DGKG: variants seen among roughly 807,000 people sequenced by gnomAD.
DGKG encodes diacylglycerol kinase gamma.
A neutral mutation model predicts 105.3 loss-of-function variants in DGKG; 78 were observed. The ratio of observed to expected loss-of-function variants is 0.74; its 90% CI spans 0.62 to 0.89. The LOEUF (loss-of-function observed/expected upper bound fraction) is 0.89, where lower values mean the gene tolerates loss of function less well. Among genes scored for constraint, DGKG ranks in the 40% least tolerant of loss-of-function variants. The pLI, the probability that DGKG is intolerant of heterozygous loss-of-function variation, is 0.00. For missense variants in DGKG, 958 were observed against 1,020.1 expected, an observed-to-expected ratio of 0.94 and a Z score of 0.83; for synonymous variants, 346 against 367.1, an observed-to-expected ratio of 0.94 and a Z score of 0.66.
rs115016839 is a variant in DGKG at position 186,302,995 on chromosome 3, C to T, written c.144+3906G>A. 8.7e-3 allele frequency among the ~76,000 whole-genome samples: 1,322 copies of T among 152,198 alleles called. 17 individuals are homozygous for T. Among genetic ancestry groups the T allele is most frequent in the African/African-American group, 0.03 (1,253 of 41,528 alleles). On this transcript the variant is annotated intron_variant, in intron 3 of 24. Coordinates refer to ENST00000265022, the MANE Select transcript of DGKG (RefSeq NM_001346.3). ...GAGGCTCAGGAAATTCAGTGATGAG[C>T]CCCAGCGAGCTAGCAGCAGAGTGAA...
At position 186,147,411 on chromosome 3, in the gene DGKG, CAG is replaced by C. The variant is rs1314474023; in HGVS notation, c.*2677_*2678del. Reference sequence around the variant, plus strand: ...ATAATAATACCTTCTCTGCTAACCTCAGAGGTTGCTATGAGGGTCACTATGAT... The same window carrying C: ...ATAATAATACCTTCTCTGCTAACCTCAGGTTGCTATGAGGGTCACTATGAT... On this transcript the variant is annotated 3_prime_UTR_variant, in exon 25 of 25. Transcript: ENST00000265022. 2.0e-6 allele frequency: 2 copies of C among 981,652 alleles called. No homozygotes were observed. Among genetic ancestry groups the C allele is most frequent in the Non-Finnish European group, 2.4e-6 (2 of 826,478 alleles). The allele number at this position is 981,652 out of a possible 1,614,324, so 60.8% of individuals were successfully genotyped here.
intron 3 of DGKG, among the ~76,000 whole-genome samples, chr3:186,303,513 C>T (rs1724076962): frequency 6.6e-6 from 1 of 152,232 alleles, no homozygotes; most frequent in African/African-American, 2.4e-5. Context: ...AGGCATCCGG[C>T]ACTTTCATTC....
intron 24 of DGKG, 152 bp downstream of exon 24, chr3:186,161,451 T>C (rs954575494): frequency 3.4e-6 from 5 of 1,453,942 alleles, no homozygotes; most frequent in African/African-American, 1.4e-5. Context: ...GGTAAATGAG[T>C]GGATGGATAA....
At chr3:186,313,106 T>C (rs966365149) in intron 2 of DGKG, among the ~76,000 whole-genome samples, 1 of 152,246 alleles carries the variant, frequency 6.6e-6, no homozygotes, top group Non-Finnish European at 1.5e-5. Context: ...GACTAGTGGT[T>C]ATCAACCTTG....
chr3:186,166,135 A>T (rs1429243338), intron 22 of DGKG, among the ~76,000 whole-genome samples: 1 of 152,240 alleles, frequency 6.6e-6, no homozygotes, highest in East Asian at 1.9e-4. Flanking sequence ...ACTATTGTTT[A>T]AAAAACAATC....
At chr3:186,245,935 A>C (rs573540023) in intron 19 of DGKG, among the ~76,000 whole-genome samples, 24 of 152,034 alleles carry the variant, frequency 1.6e-4, no homozygotes, top group South Asian at 6.2e-4. Context: ...ACAACAACAA[A>C]AAAAAACAGA....
chr3:186,316,970 T>C (rs769187439), intron 2 of DGKG, among the ~76,000 whole-genome samples: 11 of 152,236 alleles, frequency 7.2e-5, no homozygotes, highest in Non-Finnish European at 1.5e-4. Flanking sequence ...TATCTTTTTT[T>C]CCTCTCCTGT....
rs538764902 is a variant in DGKG at position 186,325,216 on chromosome 3, G to A, written c.-248-4509C>T. 3.9e-5 allele frequency among the ~76,000 whole-genome samples: 6 copies of A among 152,184 alleles called. No individual in the cohort carries two copies. In the East Asian group the frequency reaches 1.2e-3, roughly 29 times the overall value. On this transcript the variant is annotated intron_variant, in intron 1 of 24. Transcript: ENST00000265022. ...GGAACATATGGACATAAATATGGAA[G>A]TAAAAGACACTGGGGATTACTAGAG...
chr3:186,178,120 T>G (rs182238284), intron 22 of DGKG, among the ~76,000 whole-genome samples: 7 of 152,304 alleles, frequency 4.6e-5, no homozygotes, highest in Middle Eastern at 3.4e-3. Flanking sequence ...CCAAGAGTGC[T>G]TGTGGCTTGA....
At chr3:186,322,009 T>C (rs1208802437) in intron 1 of DGKG, among the ~76,000 whole-genome samples, 3 of 152,186 alleles carry the variant, frequency 2.0e-5, no homozygotes, top group African/African-American at 7.2e-5. Flanking sequence ...CTTTCAGTCC[T>C]TCCTCGGCTT....
rs200158100 is a variant in DGKG, at chr3:186,287,892, A to AT, written c.544+817dup. Among the ~76,000 whole-genome samples, 24 of 152,252 alleles carry AT rather than the reference A, an allele frequency of 1.6e-4. No individual in the cohort carries two copies. In the East Asian group the frequency reaches 4.2e-3, roughly 27 times the overall value. On this transcript the variant is annotated intron_variant, in intron 6 of 24. Transcript: ENST00000265022. ...TTTTGACTTTGGCTGTAACATGTAC[A>AT]TTTTTTTCCCCTTACTGTCTACTTA... is the stretch of plus-strand genomic sequence containing the variant.
chr3:186,309,046 C>T (rs1360414088), intron 2 of DGKG, among the ~76,000 whole-genome samples: 1 of 152,174 alleles, frequency 6.6e-6, no homozygotes, highest in Non-Finnish European at 1.5e-5. Flanking sequence ...GCATTATTCA[C>T]TATAGCTTCC....
intron 24 of DGKG, among the ~76,000 whole-genome samples, chr3:186,156,428 G>T (rs1297110839): frequency 6.6e-6 from 1 of 151,840 alleles, no homozygotes; most frequent in Non-Finnish European, 1.5e-5. Context: ...TGTATACTAG[G>T]GTTTCTCAAG....
intron 1 of DGKG, among the ~76,000 whole-genome samples, chr3:186,360,142 T>C (rs554026449): frequency 3.9e-5 from 6 of 152,156 alleles, no homozygotes; most frequent in South Asian, 4.2e-4. Context: ...CATCTGTTGA[T>C]GGTGTTGTGT....
At chr3:186,158,095 T>G (rs1320610248) in intron 24 of DGKG, 1 of 525,120 alleles carries the variant, frequency 1.9e-6, no homozygotes, top group African/African-American at 2.1e-5. Context: ...TTTGATTCCT[T>G]TCTCTTTTAA....
chr3:186,259,748 C>G (rs1378704367), intron 16 of DGKG, among the ~76,000 whole-genome samples: 1 of 152,006 alleles, frequency 6.6e-6, no homozygotes, highest in African/African-American at 2.4e-5. Context: ...GGGAGGAAGC[C>G]CAGGCTTTCC....
intron 15 of DGKG, among the ~76,000 whole-genome samples, chr3:186,260,841 CCTT>C (rs1300454063): frequency 3.9e-5 from 6 of 152,256 alleles, no homozygotes; most frequent in Non-Finnish European, 8.8e-5. Flanking sequence ...TCCACAGAGA[CCTT>C]CTCCCAAATG....
chr3:186,151,473 A>G (rs1173864123), intron 24 of DGKG, among the ~76,000 whole-genome samples: 2 of 152,202 alleles, frequency 1.3e-5, no homozygotes, highest in Non-Finnish European at 2.9e-5. Context: ...GGAGGAAAGA[A>G]TTTTAAAATC....
intron 1 of DGKG, among the ~76,000 whole-genome samples, chr3:186,360,963 G>A (rs1274850382): frequency 1.3e-5 from 2 of 152,214 alleles, no homozygotes; most frequent in African/African-American, 2.4e-5. Context: ...CGCAGCGCGG[G>A]AGAGCGCGCC....
Sources: allele counts gnomAD v4.1 joint callset (sites outside exome capture counted in the v4.1 genomes callset), GRCh38; gene constraint gnomAD v4.1.1; transcripts MANE v1.5; gene names NCBI Gene and HGNC (gene_info 2026-07-23, HGNC 2026-07-21).